TRIM33: variants seen among roughly 807,000 people sequenced by gnomAD.
TRIM33 encodes E3 ubiquitin-protein ligase TRIM33.
Under a neutral mutation model 125.4 loss-of-function variants are expected in TRIM33, and 20 were observed. The ratio of observed to expected loss-of-function variants is 0.16; its 90% confidence interval spans 0.11 to 0.23. The LOEUF is 0.23. Among genes scored for constraint, TRIM33 ranks in the 10% least tolerant of loss-of-function variants. The pLI is 1.00. For synonymous variants in TRIM33, 564 were observed against 513.9 expected (o/e 1.10, Z -1.32); for missense variants, 920 against 1,411.4 (o/e 0.65, Z 5.58).
intron 1 of TRIM33, among the ~76,000 whole-genome samples, chr1:114,493,864 G>C (rs1219117628): frequency 1.3e-5 from 2 of 152,212 alleles, no homozygotes; most frequent in East Asian, 3.9e-4. Context: ...GTCTCGCTCT[G>C]TTGCCAGGCT....
chr1:114,489,774 T>C (rs554983110), intron 1 of TRIM33, among the ~76,000 whole-genome samples: 74 of 151,782 alleles, frequency 4.9e-4, no homozygotes, highest in Admixed American at 1.4e-3. Flanking sequence ...AAAAAAAACA[T>C]GTGCTGCCAA....
chr1:114,438,913 A>G (rs1377872131), intron 4 of TRIM33, among the ~76,000 whole-genome samples: 1 of 152,226 alleles, frequency 6.6e-6, no homozygotes, highest in Admixed American at 6.5e-5. Flanking sequence ...AGGGGAGATG[A>G]TAACAACCAT....
chr1:114,468,274 G>C (rs1650427464), intron 1 of TRIM33: 3 of 250,960 alleles, frequency 1.2e-5, no homozygotes, highest in Non-Finnish European at 1.6e-5. Flanking sequence ...GGGCTGATTT[G>C]TCTGACTTCC....
intron 1 of TRIM33, among the ~76,000 whole-genome samples, chr1:114,480,106 T>C (rs958061891): frequency 2.6e-5 from 4 of 152,254 alleles, no homozygotes; most frequent in East Asian, 3.9e-4. Context: ...GAAGTAGACA[T>C]AGGAGACTCC....
intron 4 of TRIM33, among the ~76,000 whole-genome samples, chr1:114,439,715 A>T (rs1648538121): frequency 6.6e-6 from 1 of 152,090 alleles, no homozygotes; most frequent in Non-Finnish European, 1.5e-5. Flanking sequence ...CAAGCACAAG[A>T]AACATTCAGA....
rs974175369 is a variant in TRIM33, at chr1:114,426,937, C to A, written c.1420+240G>T. 3.3e-5 allele frequency among the ~76,000 whole-genome samples: 5 copies of A among 152,192 alleles called. No individual in the cohort carries two copies. In the Middle Eastern group the frequency reaches 0.01, roughly 311 times the overall value. ...ATTTAAAAGATGGAGGGTCGGGGGA[C>A]TAGAAACAGCACACATTAAAAAACA... On this transcript the variant is annotated intron_variant, in intron 8 of 19. Coordinates refer to ENST00000358465, the MANE Select transcript of TRIM33 (RefSeq NM_015906.4).
intron 5 of TRIM33, among the ~76,000 whole-genome samples, chr1:114,431,688 C>T (rs1440586624): frequency 6.6e-6 from 1 of 152,200 alleles, no homozygotes; most frequent in Non-Finnish European, 1.5e-5. Flanking sequence ...ATGCTTTCAG[C>T]TCCTAAACTG....
chr1:114,474,273 T>C (rs1022761118), intron 1 of TRIM33, among the ~76,000 whole-genome samples: 1 of 151,884 alleles, frequency 6.6e-6, no homozygotes, highest in Admixed American at 6.6e-5. Context: ...GAAACAGTAA[T>C]TACATAAGAG....
At chr1:114,442,548 C>T (rs923408971) in intron 4 of TRIM33, among the ~76,000 whole-genome samples, 1 of 151,554 alleles carries the variant, frequency 6.6e-6, no homozygotes, top group Non-Finnish European at 1.5e-5. Context: ...ATTAGCCGAA[C>T]GTGGTGGTGG....
chr1:114,466,809 C>A (rs1042749340), intron 1 of TRIM33, among the ~76,000 whole-genome samples: 1 of 152,158 alleles, frequency 6.6e-6, no homozygotes, highest in African/African-American at 2.4e-5. Context: ...GTCAGGCTGG[C>A]GTCGAACTCC....
intron 10 of TRIM33, 152 bp downstream of exon 10, chr1:114,424,439 A>T (rs1334706663): frequency 5.2e-6 from 3 of 578,666 alleles, no homozygotes; most frequent in Non-Finnish European, 8.2e-6. Flanking sequence ...ACAAAATCTC[A>T]TGTGTATGTT....
intron 1 of TRIM33, among the ~76,000 whole-genome samples, chr1:114,495,438 T>C (rs1476476813): frequency 6.6e-6 from 1 of 152,196 alleles, no homozygotes; most frequent in African/African-American, 2.4e-5. Context: ...TCTTTTTAAT[T>C]GGGCAAAACT....
chr1:114,420,259 T>C (rs1653194790), intron 11 of TRIM33: 1 of 473,872 alleles, frequency 2.1e-6, no homozygotes, highest in African/African-American at 2.0e-5. Context: ...CTGTTCTCCA[T>C]CATTTCCCCC....
In TRIM33 at chr1:114,511,159, A is replaced by C; in HGVS notation, c.-83T>G. 9.6e-7 allele frequency: 1 copy of C among 1,046,186 alleles called. No homozygotes were observed. Among genetic ancestry groups the C allele is most frequent in the Non-Finnish European group, 1.2e-6 (1 of 868,490 alleles). The allele number at this position is 1,046,186 out of a possible 1,614,324, so 64.8% of individuals were successfully genotyped here. ...CGCCGCCGCCCCCAGCCCCAGCCGC[A>C]GCCGCAGCAAGAGCGGCAGCCGAGA... On this transcript the variant is annotated 5_prime_UTR_variant, in exon 1 of 20. Transcript: ENST00000358465.
intron 4 of TRIM33, among the ~76,000 whole-genome samples, chr1:114,446,116 A>G (rs567829386): frequency 2.6e-5 from 4 of 152,304 alleles, no homozygotes; most frequent in Admixed American, 2.0e-4. Flanking sequence ...TCAGCTTCCC[A>G]AAGTGCTGGG....
intron 1 of TRIM33, among the ~76,000 whole-genome samples, chr1:114,477,915 T>C (rs749924095): frequency 6.6e-6 from 1 of 152,172 alleles, no homozygotes; most frequent in African/African-American, 2.4e-5. Flanking sequence ...TTTTTAAGAC[T>C]ACTAAAATTT....
chr1:114,421,893 A>G (rs1156543613), intron 10 of TRIM33, among the ~76,000 whole-genome samples: 2 of 152,222 alleles, frequency 1.3e-5, no homozygotes, highest in Admixed American at 1.3e-4. Context: ...TTTCAGAAGA[A>G]GGAAGTATGT....
At chr1:114,498,122 G>C (rs1283195986) in intron 1 of TRIM33, among the ~76,000 whole-genome samples, 1 of 94,382 alleles carries the variant, frequency 1.1e-5, no homozygotes, top group Admixed American at 1.3e-4. Flanking sequence ...CTGAGACTCT[G>C]TCTCAAAAAA....
chr1:114,424,344 T>C (rs934144799), intron 10 of TRIM33, among the ~76,000 whole-genome samples: 6 of 152,152 alleles, frequency 3.9e-5, no homozygotes, highest in African/African-American at 1.2e-4. Context: ...CTTCTGCAAA[T>C]TGAATGGGTT....
Sources: gnomAD v4.1 joint callset for allele counts (sites outside exome capture counted in the v4.1 genomes callset) on GRCh38, gnomAD v4.1.1 for gene constraint, MANE v1.5 for transcripts, NCBI Gene and HGNC (gene_info 2026-07-23, HGNC 2026-07-21) for gene names.